Variants in NYAP2 observed in about 807,000 individuals in gnomAD.
NYAP2 encodes neuronal tyrosine-phosphorylated phosphoinositide-3-kinase adaptor 2.
In NYAP2, 23 loss-of-function variants were observed where a neutral mutation model predicts 50.4. That is an observed-to-expected ratio of 0.46 (90% confidence interval 0.33 to 0.65). The LOEUF (loss-of-function observed/expected upper bound fraction) is 0.65. NYAP2 is among the 30% of genes least tolerant of loss of function. NYAP2 has a pLI of 0.02. For missense variants in NYAP2, 885 were observed against 861.0 expected (o/e 1.03, Z -0.35); for synonymous variants, 394 against 365.2 (o/e 1.08, Z -0.90).
In NYAP2 at chr2:225,582,441, G is replaced by GC; in HGVS notation, c.1029dup (p.Val344ArgfsTer88). 2 of 799,236 alleles carry GC rather than the reference G, an allele frequency of 2.5e-6. No homozygotes were observed. The highest frequency in any genetic ancestry group is 3.4e-6 in the Non-Finnish European group (2 of 595,468). The allele number at this position is 799,236 out of a possible 1,614,324, so 49.5% of individuals were successfully genotyped here. On this transcript the variant is annotated frameshift_variant, in exon 5 of 7. Transcript: ENST00000636099. LOFTEE classifies it high-confidence loss of function. The surrounding 1 kb of genome is among the most constrained non-coding windows in gnomAD (Gnocchi z 7.0). ...ACCCCCGCTGCTGGTATTTCCCCCC[G>GC]CCCCCGTGCATTGCTCCCCCAACTC...
chr2:225,557,652 C>A (rs1031258553), intron 4 of NYAP2, among the ~76,000 whole-genome samples: 2 of 152,132 alleles, frequency 1.3e-5, no homozygotes, highest in Non-Finnish European at 2.9e-5. Flanking sequence ...GAGAATAAAA[C>A]AGCCATGTAT....
At chr2:225,502,611 A>G (rs1690626432) in intron 3 of NYAP2, among the ~76,000 whole-genome samples, 2 of 152,188 alleles carry the variant, frequency 1.3e-5, no homozygotes, top group Admixed American at 6.5e-5. Context: ...TAATTTTTCA[A>G]TTTCTATAGA....
At chr2:225,577,435 A>AGGTACTTATAAGGTACTTCTTTAT (rs1692186627) in intron 4 of NYAP2, among the ~76,000 whole-genome samples, 2 of 152,120 alleles carry the variant, frequency 1.3e-5, no homozygotes, top group South Asian at 4.2e-4. Flanking sequence ...GTACCTTATA[A>AGGTACTTATAAGGTACTTCTTTAT]AGAAGTGGCA....
chr2:225,539,165 A>T (rs1012874971), intron 4 of NYAP2, among the ~76,000 whole-genome samples: 3 of 152,116 alleles, frequency 2.0e-5, no homozygotes, highest in African/African-American at 7.2e-5. Flanking sequence ...TCCTTGCAAA[A>T]GATATAAACA....
chr2:225,632,017 C>T (rs1266666058), intron 6 of NYAP2, among the ~76,000 whole-genome samples: 2 of 152,102 alleles, frequency 1.3e-5, no homozygotes, highest in South Asian at 2.1e-4. Flanking sequence ...GGGGTTTCAT[C>T]GCATTGATCA....
chr2:225,558,842 A>G (rs1006144027), intron 4 of NYAP2, among the ~76,000 whole-genome samples: 2 of 152,088 alleles, frequency 1.3e-5, no homozygotes, highest in African/African-American at 2.4e-5. Flanking sequence ...GATTTCTGGG[A>G]AAGGGCAAGA....
chr2:225,573,567 C>T (rs1035328751), intron 4 of NYAP2, among the ~76,000 whole-genome samples: 1 of 151,886 alleles, frequency 6.6e-6, no homozygotes, highest in Non-Finnish European at 1.5e-5. Flanking sequence ...TTTATTATTT[C>T]TTGTTGTTCT....
intron 4 of NYAP2, among the ~76,000 whole-genome samples, chr2:225,574,867 GTCCACATTT>G (rs1471700702): frequency 6.6e-6 from 1 of 152,160 alleles, no homozygotes; most frequent in Non-Finnish European, 1.5e-5. Context: ...ATTTTTACAA[GTCCACATTT>G]TACTGGCGGA....
intron 4 of NYAP2, among the ~76,000 whole-genome samples, chr2:225,537,365 C>T (rs573027948): frequency 7.2e-5 from 11 of 152,056 alleles, no homozygotes; most frequent in African/African-American, 2.2e-4. Context: ...AAAGACATAC[C>T]CGAGACTGGG....
the NYAP2 span, among the ~76,000 whole-genome samples, chr2:225,693,239 A>G: frequency 1.2e-3 from 178 of 152,072 alleles, 1 homozygote; most frequent in African/African-American, 3.8e-3. Context: ...AGTTTCTCAG[A>G]CTTTCCTTAT....
intron 5 of NYAP2, among the ~76,000 whole-genome samples, chr2:225,613,246 A>G (rs1692930939): frequency 6.6e-6 from 1 of 152,160 alleles, no homozygotes; most frequent in African/African-American, 2.4e-5. Context: ...CAAGTCTCAG[A>G]GTCCAAAGGC....
chr2:225,589,845 A>C (rs187886483), intron 5 of NYAP2, among the ~76,000 whole-genome samples: 1 of 152,188 alleles, frequency 6.6e-6, no homozygotes, highest in East Asian at 1.9e-4. Flanking sequence ...TGGAGGAGGG[A>C]GTCTATAGTC....
At chr2:225,570,348 C>T (rs1692045878) in intron 4 of NYAP2, among the ~76,000 whole-genome samples, 1 of 152,142 alleles carries the variant, frequency 6.6e-6, no homozygotes, top group Non-Finnish European at 1.5e-5. Context: ...TCCCACTTTG[C>T]TCTTTTTCTA....
intron 6 of NYAP2, among the ~76,000 whole-genome samples, chr2:225,647,079 G>A (rs191635296): frequency 1.3e-4 from 20 of 152,136 alleles, no homozygotes; most frequent in African/African-American, 4.3e-4. Flanking sequence ...TTTTTCATCA[G>A]ATGATAATAT....
intron 2 of NYAP2, among the ~76,000 whole-genome samples, chr2:225,407,913 C>T (rs1292390466): frequency 6.6e-6 from 1 of 151,894 alleles, no homozygotes; most frequent in Non-Finnish European, 1.5e-5. Context: ...GCTGCCAGTT[C>T]ATACTTTTTA....
intron 6 of NYAP2, among the ~76,000 whole-genome samples, chr2:225,633,868 G>A (rs1435723089): frequency 6.6e-6 from 1 of 152,188 alleles, no homozygotes; most frequent in African/African-American, 2.4e-5. Context: ...TCTTTTAGCT[G>A]GGTAAGACCC....
intron 3 of NYAP2, among the ~76,000 whole-genome samples, chr2:225,424,077 A>C (rs1695253193): frequency 6.6e-6 from 1 of 152,136 alleles, no homozygotes; most frequent in Non-Finnish European, 1.5e-5. Flanking sequence ...CAAAGATGAC[A>C]TTTTATTTTA....
intron 6 of NYAP2, among the ~76,000 whole-genome samples, chr2:225,628,138 G>T (rs1693242154): frequency 2.0e-5 from 3 of 152,224 alleles, no homozygotes; most frequent in South Asian, 4.1e-4. Flanking sequence ...TTGAAGCTTT[G>T]GTGGTAGAGC....
At chr2:225,542,741 T>A (rs1427993114) in intron 4 of NYAP2, among the ~76,000 whole-genome samples, 1 of 152,082 alleles carries the variant, frequency 6.6e-6, no homozygotes, top group Admixed American at 6.5e-5. Flanking sequence ...CTTTTTTTGA[T>A]GCATCTTTGG....
Sources: allele counts gnomAD v4.1 joint callset (sites outside exome capture counted in the v4.1 genomes callset), GRCh38; gene constraint gnomAD v4.1.1; non-coding constraint Gnocchi (gnomAD v3.1); transcripts MANE v1.5; gene names NCBI Gene and HGNC (gene_info 2026-07-23, HGNC 2026-07-21).